UBXN6: variants seen among roughly 807,000 people sequenced by gnomAD.
UBXN6 encodes the protein UBX domain-containing protein 6.
A neutral mutation model predicts 51.4 loss-of-function variants in UBXN6; 44 were observed. The ratio of observed to expected loss-of-function variants is 0.86; its 90% confidence interval spans 0.67 to 1.10. UBXN6 has a LOEUF of 1.10. Among genes scored for constraint, UBXN6 ranks in the 50% least tolerant of loss-of-function variants. The pLI is 0.00. For synonymous variants in UBXN6, 316 were observed against 263.2 expected, an observed-to-expected ratio of 1.20 and a Z score of -1.94; for missense variants, 672 against 596.1, an observed-to-expected ratio of 1.13 and a Z score of -1.32.
chr19:4,453,323 C>A, intron 3 of UBXN6, 135 bp downstream of exon 3: 1 of 971,444 alleles, frequency 1.0e-6, no homozygotes, highest in Non-Finnish European at 1.5e-6. Flanking sequence ...TCCACCACAA[C>A]CTGTGTCCAC....
intron 1 of UBXN6, 66 bp from the exon 2 acceptor site, chr19:4,454,159 C>A: frequency 1.4e-6 from 2 of 1,453,484 alleles, no homozygotes; most frequent in South Asian, 1.4e-5. Flanking sequence ...GACGTGCAGT[C>A]ACACAGAGGA....
intron 5 of UBXN6, chr19:4,447,941 C>T (rs1034389279): frequency 3.2e-5 from 16 of 494,758 alleles, no homozygotes; most frequent in South Asian, 1.1e-4. Context: ...GCTGAAGGGC[C>T]GCAGTGCCAG....
intron 1 of UBXN6, chr19:4,455,248 T>C (rs533211000): frequency 1.4e-5 from 14 of 985,346 alleles, no homozygotes; most frequent in Non-Finnish European, 1.7e-5. Context: ...GTGCCGTAGG[T>C]CTATTAAAAC....
chr19:4,445,618 G>A lies in UBXN6; in HGVS notation c.1206C>T (p.Pro402=), dbSNP rs1974493192. ...CCCACGAGAAGGTCAGGAGGGCAGA[G>A]GGCACCTGCGGTAGGGGTAGGCCGT... The part of the protein sequence containing the change: ...NLALNECGLV[P]SALLTFSWDM... Residue 402 remains proline (P), a synonymous_variant, in exon 11 of 11, where the codon CCC becomes CCT. Coordinates refer to ENST00000301281, the MANE Select transcript of UBXN6 (RefSeq NM_025241.3). 2 of 1,612,912 alleles carry A rather than the reference G, an allele frequency of 1.2e-6. No individual in the cohort carries two copies. The highest frequency in any genetic ancestry group is 8.5e-7 in the Non-Finnish European group (1 of 1,179,846).
At chr19:4,457,794 TTAAAAAAAAAAA>T (rs1266673158), upstream of UBXN6, 5 of 161,544 alleles carry the variant, frequency 3.1e-5, 1 homozygote, top group Non-Finnish European at 4.3e-5. Context: ...CGGAAGAAAA[TTAAAAAAAAAAA>T]AAAAAAAAAA....
At chr19:4,446,997 C>T in intron 6 of UBXN6, 77 bp from the exon 7 acceptor site, 1 of 1,456,576 alleles carries the variant, frequency 6.9e-7, no homozygotes, top group South Asian at 1.2e-5. Context: ...AGTCCAGGGG[C>T]CCGGCTCTCG....
intron 1 of UBXN6, among the ~76,000 whole-genome samples, chr19:4,457,243 GACCCCCA>G (rs1297830025): frequency 6.7e-6 from 1 of 150,148 alleles, no homozygotes; most frequent in African/African-American, 2.5e-5. Flanking sequence ...TCGTTCCACT[GACCCCCA>G]ACTGCCTACA....
At chr19:4,454,727 G>A (rs930424561) in intron 1 of UBXN6, 1 of 152,194 alleles carries the variant, frequency 6.6e-6, no homozygotes, top group African/African-American at 2.4e-5. Context: ...GCATCCTCAG[G>A]AATTGAGGAG....
chr19:4,456,485 G>C (rs1277478909), intron 1 of UBXN6, among the ~76,000 whole-genome samples: 4 of 151,562 alleles, frequency 2.6e-5, no homozygotes, highest in Admixed American at 6.6e-5. Context: ...TGGCTGCCTG[G>C]CTGACTTCCT....
rs1311598856 is a variant in UBXN6 at position 4,457,727 on chromosome 19, G to T, written c.-30C>A. ...GCGGCTGGCCCGGCGGCGGGGGGCCGCGGGGGCGGGGGGGCACGGGGCCCA... is the reference window on the plus strand; with the variant it reads ...GCGGCTGGCCCGGCGGCGGGGGGCCTCGGGGGCGGGGGGGCACGGGGCCCA... On this transcript the variant is annotated 5_prime_UTR_variant, in exon 1 of 11. Transcript: ENST00000301281. 2.0e-6 allele frequency: 3 copies of T among 1,468,742 alleles called. No homozygotes were observed. The highest frequency in any genetic ancestry group is 4.3e-5 in the Admixed American group (2 of 46,112). The allele number at this position is 1,468,742 out of a possible 1,614,324, so 91.0% of individuals were successfully genotyped here.
At chr19:4,447,923 G>A in intron 5 of UBXN6, 1 of 504,572 alleles carries the variant, frequency 2.0e-6, no homozygotes. Flanking sequence ...GAAGAGTGGA[G>A]AGCCAGAGCT....
At chr19:4,455,860 ACCTGACGGCC>A (rs952688111) in intron 1 of UBXN6, among the ~76,000 whole-genome samples, 1 of 151,462 alleles carries the variant, frequency 6.6e-6, no homozygotes. Context: ...TTCCCAAACC[ACCTGACGGCC>A]CCTGCTCACC....
chr19:4,447,013 G>C (rs546572942), intron 6 of UBXN6, 93 bp from the exon 7 acceptor site: 2 of 1,293,922 alleles, frequency 1.5e-6, no homozygotes, highest in Non-Finnish European at 2.2e-6. Context: ...TCTCGCTATT[G>C]GGAGCAGCTG....
At chr19:4,448,513 A>G (rs1974588475) in intron 4 of UBXN6, 98 bp from the exon 5 acceptor site, 1 of 920,718 alleles carries the variant, frequency 1.1e-6, no homozygotes, top group Non-Finnish European at 1.7e-6. Flanking sequence ...AAGGCAGAAC[A>G]GCGGCTTGGA....
chr19:4,452,916 A>G (rs2145186437), intron 3 of UBXN6, among the ~76,000 whole-genome samples: 1 of 152,324 alleles, frequency 6.6e-6, no homozygotes, highest in East Asian at 1.9e-4. Flanking sequence ...GCGTGCTAAA[A>G]TTCACTGAAT....
intron 1 of UBXN6, 37 bp from the exon 2 acceptor site, chr19:4,454,130 C>T (rs746288583): frequency 4.0e-6 from 6 of 1,489,370 alleles, no homozygotes; most frequent in East Asian, 4.8e-5. Context: ...TGTATCCTCC[C>T]GAGGTGGCCG....
rs921844512 is a variant in UBXN6 at position 4,452,380 on chromosome 19, T to C, written c.425A>G (p.Lys142Arg). The change falls in exon 4 of 11, where the codon AAG becomes AGG. Residue 142 changes from lysine to arginine, a missense_variant. Transcript: ENST00000301281. ...GCCACTCACCAAGAGAATGGCCTCCTTGATGCAGGCGTCCCGCTGGTCCTT... is the reference window on the plus strand; with the variant it reads ...GCCACTCACCAAGAGAATGGCCTCCCTGATGCAGGCGTCCCGCTGGTCCTT... ...LRKDQRDACI[K>R]EAILLHFSTD... 1 of 1,613,718 alleles carries C rather than the reference T, an allele frequency of 6.2e-7. No homozygotes were observed. Among genetic ancestry groups the C allele is most frequent in the Non-Finnish European group, 8.5e-7 (1 of 1,179,902 alleles).
Position 4,446,504 on chromosome 19 carries a change from G to GCCT in UBXN6, c.913_915dup (p.Arg305dup). ...CTCCGCGGACGTCAGGCCCACCTGA[G>GCCT]CCTCTGCTCCCGCTTGATCTCCTCT... On this transcript the variant is annotated inframe_insertion, in exon 8 of 11. Transcript: ENST00000301281. 6.2e-7 allele frequency: 1 copy of GCCT among 1,607,570 alleles called. No homozygotes were observed. The highest frequency in any genetic ancestry group is 2.2e-5 in the East Asian group (1 of 44,786).
rs555994784 is a variant in UBXN6, at chr19:4,450,231, A to G, written c.442-1816T>C. On this transcript the variant is annotated intron_variant, in intron 4 of 10. Transcript: ENST00000301281. ...AGCAAGACTCTGTCTCAAAAAAAAA[A>G]AAAAAAAAAGCACTGGAGAGGCCAC... 4.0e-5 allele frequency: 6 copies of G among 151,842 alleles called. No individual in the cohort carries two copies. The East Asian group carries it at 1.2e-3, about 29-fold the overall frequency. 9.4% of individuals were successfully genotyped at this position (151,842 alleles called of 1,614,324 possible).
Sources: allele counts gnomAD v4.1 joint callset (sites outside exome capture counted in the v4.1 genomes callset), GRCh38; gene constraint gnomAD v4.1.1; transcripts MANE v1.5; gene names NCBI Gene and HGNC (gene_info 2026-07-23, HGNC 2026-07-21).